The following USP47 variants were observed in gnomAD, a reference collection of about 807,000 sequenced individuals.
USP47 encodes the protein ubiquitin specific peptidase 47, also known as ubiquitin carboxyl-terminal hydrolase 47.
USP47 carries 35 observed loss-of-function variants against 165.1 expected under a neutral mutation model. That is an observed-to-expected ratio of 0.21 (90% CI 0.16 to 0.28). USP47 has a LOEUF of 0.28. Among genes scored for constraint, USP47 ranks in the 10% least tolerant of loss-of-function variants. The pLI, the probability that USP47 is intolerant of heterozygous loss-of-function variation, is 1.00. For missense variants in USP47, 1,277 were observed against 1,607.4 expected (o/e 0.79, Z 3.52); for synonymous variants, 531 against 544.5 (o/e 0.98, Z 0.35).
At chr11:11,941,928 G>C (rs1855502294) in intron 19 of USP47, among the ~76,000 whole-genome samples, 1 of 151,840 alleles carries the variant, frequency 6.6e-6, no homozygotes, top group Non-Finnish European at 1.5e-5. Flanking sequence ...ATATTCACAA[G>C]GTGTCTTTAC....
chr11:11,899,478 T>G (rs943170315), intron 5 of USP47, among the ~76,000 whole-genome samples: 5 of 152,164 alleles, frequency 3.3e-5, no homozygotes, highest in African/African-American at 1.2e-4. Flanking sequence ...TAGGTAAACC[T>G]ATATATAAGC....
chr11:11,948,664 CA>C lies in USP47; in HGVS notation c.3348+109del, dbSNP rs376272272. The C allele has an allele frequency of 1.2e-4, 129 of 1,093,668 alleles. No homozygotes were observed. The Middle Eastern group carries it at 2.8e-3, about 24-fold the overall frequency. 67.7% of individuals were successfully genotyped at this position (1,093,668 alleles called of 1,614,324 possible). A position where few individuals can be genotyped will look rare whatever the true frequency, so the allele number is the denominator to read the frequency against. On this transcript the variant is annotated intron_variant, in intron 22 of 27. Coordinates refer to ENST00000527733, the MANE Select transcript of USP47 (RefSeq NM_001282659.2). ...TTTATTTCTCTGAAGCAAAGGTCAGCAAATTTTTTCTGGGCCTTGCAGTTTA... is the reference window on the plus strand; with the variant it reads ...TTTATTTCTCTGAAGCAAAGGTCAGCAATTTTTTCTGGGCCTTGCAGTTTA...
intron 24 of USP47, chr11:11,951,084 G>A (rs1038654820): frequency 1.3e-5 from 2 of 152,240 alleles, no homozygotes; most frequent in African/African-American, 2.4e-5. Flanking sequence ...GTGCTGTGGG[G>A]GAGAATCTGT....
rs754102778 is a variant in USP47, at chr11:11,958,949, CAATGA to C, written c.*2778_*2782del. The C allele has an allele frequency of 7.9e-5, 12 of 152,054 alleles. No homozygotes were observed. Among genetic ancestry groups the C allele is most frequent in the Admixed American group, 1.3e-4 (2 of 15,258 alleles). 9.4% of individuals were successfully genotyped at this position (152,054 alleles called of 1,614,324 possible). On this transcript the variant is annotated 3_prime_UTR_variant, in exon 28 of 28. Transcript: ENST00000527733. ...CTCATGTCCCAGTCAGAAAATAATC[CAATGA>C]AATAAGCATTGGTTGCCAGGCCACA...
chr11:11,910,165 T>A (rs1406940521), intron 8 of USP47, among the ~76,000 whole-genome samples: 1 of 152,068 alleles, frequency 6.6e-6, no homozygotes, highest in Non-Finnish European at 1.5e-5. Flanking sequence ...CTAAAACAAC[T>A]GAAAACCTTG....
Position 11,941,467 on chromosome 11 carries a change from C to G in USP47, c.2314-868C>G, listed in dbSNP as rs563647388. Among the ~76,000 whole-genome samples, 9 of 151,990 alleles carry G rather than the reference C, an allele frequency of 5.9e-5. No homozygotes were observed. In the South Asian group the frequency reaches 1.0e-3, roughly 18 times the overall value. ...CTATTTATAATTGCCAAATTTATGC[C>G]AAGTACGAATTTCATTTTAAAAAAA... On this transcript the variant is annotated intron_variant, in intron 19 of 27. Coordinates refer to ENST00000527733, the MANE Select transcript of USP47 (RefSeq NM_001282659.2).
rs189494947 is a variant in USP47, at chr11:11,859,470, C to T, written c.39+17246C>T. On this transcript the variant is annotated intron_variant, in intron 1 of 27. Transcript: ENST00000527733. ...CATTTGTTAAATGAAGGAGTAAGGC[C>T]GCATAAGGTATAAGGTTTGTCGCTA... Among the ~76,000 whole-genome samples the T allele has an allele frequency of 2.0e-3, 311 of 152,068 alleles. 2 individuals carry two copies. The highest frequency in any genetic ancestry group is 3.1e-3 in the Non-Finnish European group (210 of 67,986).
chr11:11,884,611 A>G (rs757068959), intron 3 of USP47, 31 bp downstream of exon 3: 2 of 1,527,162 alleles, frequency 1.3e-6, no homozygotes, highest in Non-Finnish European at 1.8e-6. Flanking sequence ...CATATTTATA[A>G]TTTTTGTGCA....
chr11:11,888,299 A>T (rs1851293682), intron 3 of USP47, among the ~76,000 whole-genome samples: 1 of 152,156 alleles, frequency 6.6e-6, no homozygotes, highest in Non-Finnish European at 1.5e-5. Context: ...GAAAAAATTA[A>T]TAAAATAGAT....
At chr11:11,947,080 G>A (rs547257633) in intron 20 of USP47, among the ~76,000 whole-genome samples, 58 of 152,290 alleles carry the variant, frequency 3.8e-4, no homozygotes, top group African/African-American at 1.3e-3. Flanking sequence ...CTGAGGCAGC[G>A]AGGCAGCACT....
intron 1 of USP47, among the ~76,000 whole-genome samples, chr11:11,862,420 A>G (rs1316799329): frequency 3.4e-5 from 2 of 58,758 alleles, no homozygotes; most frequent in African/African-American, 1.6e-4. Flanking sequence ...TATTATATAC[A>G]TTGTGGGTTT....
chr11:11,903,020 A>G (rs1852326012), intron 6 of USP47, among the ~76,000 whole-genome samples, 160 bp downstream of exon 6: 1 of 152,202 alleles, frequency 6.6e-6, no homozygotes, highest in Non-Finnish European at 1.5e-5. Flanking sequence ...TCTACAATGA[A>G]AAATAACAAA....
chr11:11,895,009 A>C (rs1851762836), intron 4 of USP47, among the ~76,000 whole-genome samples: 1 of 152,102 alleles, frequency 6.6e-6, no homozygotes, highest in Non-Finnish European at 1.5e-5. Context: ...TTTTAATGTT[A>C]TTAAATAGTA....
rs1855385608 is a variant in USP47 at position 11,940,418 on chromosome 11, T to C, written c.2194-11T>C. 7 of 1,577,806 alleles carry C rather than the reference T, an allele frequency of 4.4e-6. No homozygotes were observed. In the East Asian group the frequency reaches 1.4e-4, roughly 31 times the overall value. ...GAAAGAGTACTTTTTATTAAATTGC[T>C]TTCATTATAGGCCATCCATTTACCT... is the stretch of plus-strand genomic sequence containing the variant. On this transcript the variant is annotated splice_polypyrimidine_tract_variant and intron_variant, in intron 18 of 27. Coordinates refer to ENST00000527733, the MANE Select transcript of USP47 (RefSeq NM_001282659.2).
intron 1 of USP47, 74 bp from the exon 2 acceptor site, chr11:11,880,103 A>C (rs1850733117): frequency 9.4e-7 from 1 of 1,058,936 alleles, no homozygotes. Flanking sequence ...TTAATCATAA[A>C]ATTTTATAGC....
intron 1 of USP47, among the ~76,000 whole-genome samples, chr11:11,867,113 T>C (rs1271507916): frequency 6.6e-6 from 1 of 152,182 alleles, no homozygotes; most frequent in African/African-American, 2.4e-5. Flanking sequence ...GTCATGCTGG[T>C]CTTGAACTCC....
chr11:11,858,246 C>T (rs951459761), intron 1 of USP47, among the ~76,000 whole-genome samples: 5 of 151,820 alleles, frequency 3.3e-5, no homozygotes, highest in Non-Finnish European at 5.9e-5. Context: ...CCACCGGTAA[C>T]GGTTAAATAC....
intron 3 of USP47, among the ~76,000 whole-genome samples, chr11:11,889,815 G>C (rs1851396228): frequency 6.6e-6 from 1 of 152,088 alleles, no homozygotes; most frequent in African/African-American, 2.4e-5. Context: ...ATACTGCAAG[G>C]CTACAGTAAT....
chr11:11,842,309 C>G (rs1848169852), intron 1 of USP47, 85 bp downstream of exon 1: 1 of 1,462,112 alleles, frequency 6.8e-7, no homozygotes, highest in African/African-American at 1.4e-5. Flanking sequence ...GCTGCGGGCC[C>G]GGCCGGGGTG....
Sources: gnomAD v4.1 joint callset for allele counts (sites outside exome capture counted in the v4.1 genomes callset) on GRCh38, gnomAD v4.1.1 for gene constraint, MANE v1.5 for transcripts, NCBI Gene and HGNC (gene_info 2026-07-23, HGNC 2026-07-21) for gene names.